Variants in RBM33 observed in about 807,000 individuals in gnomAD.
RBM33 encodes the protein RNA-binding protein 33.
Under a neutral mutation model 132.6 loss-of-function variants are expected in RBM33, and 28 were observed. That is an observed-to-expected ratio of 0.21 (90% CI 0.16 to 0.29). The LOEUF is 0.29. Among genes scored for constraint, RBM33 ranks in the 10% least tolerant of loss-of-function variants. The pLI is 1.00. For missense variants in RBM33, 1,291 were observed against 1,518.5 expected, an observed-to-expected ratio of 0.85 and a Z score of 2.49; for synonymous variants, 634 against 593.0, an observed-to-expected ratio of 1.07 and a Z score of -1.01.
intron 8 of RBM33, among the ~76,000 whole-genome samples, chr7:155,715,246 A>G (rs1800427188): frequency 1.3e-5 from 2 of 152,190 alleles, no homozygotes; most frequent in South Asian, 4.1e-4. Flanking sequence ...TCTTCCCCAT[A>G]GTGGTTGTCC....
At chr7:155,760,764 A>C (rs1249021563) in intron 14 of RBM33, among the ~76,000 whole-genome samples, 1 of 152,222 alleles carries the variant, frequency 6.6e-6, no homozygotes, top group African/African-American at 2.4e-5. Flanking sequence ...ACAGACTGAA[A>C]AATTGTGTAC....
Position 155,669,478 on chromosome 7 carries a change from G to A in RBM33, c.123-3389G>A, listed in dbSNP as rs138080147. 2.0e-3 allele frequency among the ~76,000 whole-genome samples: 301 copies of A among 152,132 alleles called. 1 individual carries two copies. Among genetic ancestry groups the A allele is most frequent in the African/African-American group, 7.0e-3 (292 of 41,512 alleles). Reference sequence around the variant, plus strand: ...AGCGATTCTCATGCCTCAGTCTCCCGAGTAGCCGGGATTACAGGCATGTGC... The same window carrying A: ...AGCGATTCTCATGCCTCAGTCTCCCAAGTAGCCGGGATTACAGGCATGTGC... On this transcript the variant is annotated intron_variant, in intron 2 of 17. Transcript: ENST00000401878.
intron 7 of RBM33, among the ~76,000 whole-genome samples, chr7:155,710,086 T>G (rs1325988923): frequency 2.0e-5 from 3 of 152,222 alleles, no homozygotes; most frequent in Non-Finnish European, 4.4e-5. Flanking sequence ...TCGTGATCCC[T>G]TATTATACGT....
intron 15 of RBM33, among the ~76,000 whole-genome samples, chr7:155,764,417 G>T (rs1407806781): frequency 6.6e-6 from 1 of 152,220 alleles, no homozygotes; most frequent in Non-Finnish European, 1.5e-5. Flanking sequence ...CCCCAGTTGA[G>T]ACAGGGGAAA....
intron 4 of RBM33, 82 bp from the exon 5 acceptor site, chr7:155,680,508 T>C: frequency 2.0e-6 from 2 of 1,000,332 alleles, no homozygotes; most frequent in Non-Finnish European, 2.9e-6. Context: ...TTTAAATCTT[T>C]GTAACAGCTA....
chr7:155,774,704 C>T lies in RBM33; in HGVS notation c.3464+57C>T. 1 of 1,318,442 alleles carries T rather than the reference C, an allele frequency of 7.6e-7. No individual in the cohort carries two copies. The highest frequency in any genetic ancestry group is 2.3e-5 in the East Asian group (1 of 43,504). 81.7% of individuals were successfully genotyped at this position (1,318,442 alleles called of 1,614,324 possible). ...AGGGGGCGGGAGCAAGGCCCTCCTT[C>T]CTGTGCCCTCCCATCCATCATGGTA... is the stretch of plus-strand genomic sequence containing the variant. On this transcript the variant is annotated intron_variant, in intron 17 of 17. Transcript: ENST00000401878. This position sits in a 1 kb window ranked among gnomAD's most constrained non-coding sequence, Gnocchi z 4.2.
chr7:155,716,316 G>GTTTTTTCTT (rs1800460902), intron 8 of RBM33, among the ~76,000 whole-genome samples: 1 of 102,384 alleles, frequency 9.8e-6, no homozygotes, highest in African/African-American at 3.9e-5. Context: ...CTTTTCTGCT[G>GTTTTTTCTT]TTTTTTTTTT....
At chr7:155,686,700 G>A (rs111599817) in intron 5 of RBM33, among the ~76,000 whole-genome samples, 1 of 151,814 alleles carries the variant, frequency 6.6e-6, no homozygotes, top group Non-Finnish European at 1.5e-5. Flanking sequence ...TCATTGTTCA[G>A]TTCCCACCTA....
At chr7:155,672,289 C>G (rs190294182) in intron 2 of RBM33, among the ~76,000 whole-genome samples, 53 of 151,844 alleles carry the variant, frequency 3.5e-4, no homozygotes, top group Non-Finnish European at 7.4e-4. Context: ...TTCAACAGAC[C>G]CAAAGAGATT....
At chr7:155,731,981 T>G (rs528488097) in intron 9 of RBM33, among the ~76,000 whole-genome samples, 1 of 152,296 alleles carries the variant, frequency 6.6e-6, no homozygotes, top group East Asian at 1.9e-4. Context: ...TAGGCAAAAT[T>G]TAAAGAGAAC....
At chr7:155,737,977 A>G (rs1204070884) in intron 10 of RBM33, 83 bp from the exon 11 acceptor site, 2 of 1,225,538 alleles carry the variant, frequency 1.6e-6, no homozygotes, top group Non-Finnish European at 2.3e-6. Context: ...TTCTGTCCAC[A>G]GTAGGATAGT....
chr7:155,775,282 C>G lies in RBM33; in HGVS notation c.*241C>G, dbSNP rs1802569520. On this transcript the variant is annotated 3_prime_UTR_variant, in exon 18 of 18. Coordinates refer to ENST00000401878, the MANE Select transcript of RBM33 (RefSeq NM_053043.3). ...ATTCTCTTGTCACCACCAAGAACTC[C>G]AAGTTTTTCGTTTTGTTTTGTTTTC... 1.6e-6 allele frequency: 1 copy of G among 624,094 alleles called. No individual in the cohort carries two copies. Among genetic ancestry groups the G allele is most frequent in the Non-Finnish European group, 2.9e-6 (1 of 345,472 alleles). 38.7% of individuals were successfully genotyped at this position (624,094 alleles called of 1,614,324 possible).
At chr7:155,694,673 C>T (rs888816010) in intron 5 of RBM33, among the ~76,000 whole-genome samples, 1 of 152,142 alleles carries the variant, frequency 6.6e-6, no homozygotes, top group African/African-American at 2.4e-5. Context: ...TAAATGTAGT[C>T]ATATAGTGTG....
Position 155,777,267 on chromosome 7 carries a change from G to C in RBM33, c.*2226G>C, listed in dbSNP as rs1011945782. On this transcript the variant is annotated 3_prime_UTR_variant, in exon 18 of 18. Transcript: ENST00000401878. The stretch of plus-strand genomic sequence containing the variant: ...GTGTGACACAGGCCCTGGGGTGTGC[G>C]TGTTTCTCTAACTGTCTACACGTGC... The C allele has an allele frequency of 6.6e-6, 1 of 152,442 alleles. No homozygotes were observed. The highest frequency in any genetic ancestry group is 1.5e-5 in the Non-Finnish European group (1 of 68,016). 9.4% of individuals were successfully genotyped at this position (152,442 alleles called of 1,614,324 possible). A position where few individuals can be genotyped will look rare whatever the true frequency, so the allele number is the denominator to read the frequency against.
chr7:155,674,956 T>A (rs963803589), intron 3 of RBM33, among the ~76,000 whole-genome samples: 16 of 152,178 alleles, frequency 1.1e-4, no homozygotes, highest in Non-Finnish European at 2.1e-4. Flanking sequence ...ATGTAAACAG[T>A]CGTGACTAAC....
At chr7:155,715,199 T>TG (rs1312428452) in intron 8 of RBM33, among the ~76,000 whole-genome samples, 2 of 152,156 alleles carry the variant, frequency 1.3e-5, no homozygotes, top group Non-Finnish European at 2.9e-5. Flanking sequence ...CATACTTGAA[T>TG]GGGGAAGGGT....
intron 9 of RBM33, among the ~76,000 whole-genome samples, chr7:155,724,337 T>C (rs1800715487): frequency 6.6e-6 from 1 of 152,150 alleles, no homozygotes; most frequent in African/African-American, 2.4e-5. Flanking sequence ...GAGACCAGCC[T>C]GGGCAACATG....
intron 2 of RBM33, among the ~76,000 whole-genome samples, chr7:155,668,050 A>G (rs1798846135): frequency 1.3e-5 from 2 of 152,228 alleles, no homozygotes; most frequent in Admixed American, 6.5e-5. Flanking sequence ...CACAATAGTT[A>G]CTATATCTAA....
intron 1 of RBM33, among the ~76,000 whole-genome samples, chr7:155,649,982 G>A (rs1338192743): frequency 1.3e-5 from 2 of 152,140 alleles, no homozygotes; most frequent in East Asian, 1.9e-4. Flanking sequence ...TTCAGCATAT[G>A]CATGGTCTTC....
Sources: gnomAD v4.1 joint callset for allele counts (sites outside exome capture counted in the v4.1 genomes callset) on GRCh38, gnomAD v4.1.1 for gene constraint, Gnocchi (gnomAD v3.1) non-coding constraint, MANE v1.5 for transcripts, NCBI Gene and HGNC (gene_info 2026-07-23, HGNC 2026-07-21) for gene names.